The following AOAH variants were observed in gnomAD, a reference collection of about 807,000 sequenced individuals.
The protein encoded by AOAH is acyloxyacyl hydrolase (neutrophil).
Under a neutral mutation model 92.2 loss-of-function variants are expected in AOAH, and 64 were observed. The observed-to-expected ratio is 0.69, with a 90% CI of 0.57 to 0.86. The LOEUF (loss-of-function observed/expected upper bound fraction) is 0.86, where lower values mean the gene tolerates loss of function less well. AOAH is among the 40% of genes least tolerant of loss of function. The pLI is 0.00. For synonymous variants in AOAH, 263 were observed against 254.5 expected (o/e 1.03, Z -0.32); for missense variants, 656 against 694.6 (o/e 0.94, Z 0.62).
chr7:36,623,139 A>G, intron 7 of AOAH, 51 bp downstream of exon 7: 1 of 1,444,932 alleles, frequency 6.9e-7, no homozygotes, highest in Non-Finnish European at 9.7e-7. Context: ...AGAAATGTGT[A>G]GGAAGCAATG....
chr7:36,551,039 C>T (rs1180704790), intron 13 of AOAH, among the ~76,000 whole-genome samples: 1 of 151,090 alleles, frequency 6.6e-6, no homozygotes, highest in African/African-American at 2.4e-5. Flanking sequence ...TGCTTTATTT[C>T]CATTTTATTA....
intron 12 of AOAH, among the ~76,000 whole-genome samples, chr7:36,582,103 G>A (rs576209101): frequency 3.9e-5 from 6 of 152,142 alleles, no homozygotes; most frequent in Admixed American, 3.3e-4. Context: ...GCATAATGAG[G>A]CTAAACTATC....
chr7:36,605,933 G>A (rs1174537979), intron 11 of AOAH, among the ~76,000 whole-genome samples: 2 of 152,226 alleles, frequency 1.3e-5, no homozygotes, highest in Non-Finnish European at 2.9e-5. Flanking sequence ...TCAGTGAGAA[G>A]TAACTAGGAT....
chr7:36,654,579 C>T (rs17403213), intron 4 of AOAH, among the ~76,000 whole-genome samples: 22,163 of 152,128 alleles, frequency 0.15, 1,919 homozygotes, highest in Non-Finnish European at 0.2. Context: ...CTTGCTTCTG[C>T]GCTATGAGCT....
intron 15 of AOAH, among the ~76,000 whole-genome samples, chr7:36,544,924 C>G (rs1785702772): frequency 6.6e-6 from 1 of 152,228 alleles, no homozygotes; most frequent in South Asian, 2.1e-4. Flanking sequence ...ATCAAGTGCT[C>G]ACACCTCACT....
intron 11 of AOAH, among the ~76,000 whole-genome samples, chr7:36,613,976 G>T (rs753576622): frequency 2.0e-5 from 3 of 152,208 alleles, no homozygotes; most frequent in Non-Finnish European, 4.4e-5. Context: ...CTTGGGAGAG[G>T]TTCAACCAGA....
At chr7:36,571,006 GA>G (rs148295907) in intron 13 of AOAH, among the ~76,000 whole-genome samples, 3,014 of 152,294 alleles carry the variant, frequency 0.02, 76 homozygotes, top group Non-Finnish European at 0.031. Context: ...ATACACCAAG[GA>G]AAGTGCAATA....
chr7:36,536,584 A>AGT (rs918314196), intron 16 of AOAH, among the ~76,000 whole-genome samples: 3 of 152,148 alleles, frequency 2.0e-5, no homozygotes, highest in African/African-American at 7.2e-5. Flanking sequence ...CAGAAGAGAG[A>AGT]CAGCATGAGA....
chr7:36,658,387 AATTT>A (rs966204232), intron 4 of AOAH, among the ~76,000 whole-genome samples: 2 of 152,290 alleles, frequency 1.3e-5, no homozygotes, highest in Admixed American at 6.5e-5. Context: ...GAAGGCAAAG[AATTT>A]TTTTTCACGG....
intron 13 of AOAH, among the ~76,000 whole-genome samples, chr7:36,558,733 T>C (rs967057961): frequency 1.3e-5 from 2 of 152,256 alleles, no homozygotes; most frequent in Admixed American, 6.5e-5. Flanking sequence ...CTCAGACTGC[T>C]GTGCTAGCAA....
At chr7:36,676,396 C>T (rs1796262195) in intron 2 of AOAH, among the ~76,000 whole-genome samples, 1 of 152,070 alleles carries the variant, frequency 6.6e-6, no homozygotes, top group Non-Finnish European at 1.5e-5. Context: ...TAGGAACAAA[C>T]TTAACCAAAA....
intron 15 of AOAH, among the ~76,000 whole-genome samples, chr7:36,547,751 C>T (rs936565618): frequency 3.3e-5 from 5 of 152,148 alleles, no homozygotes; most frequent in African/African-American, 1.2e-4. Flanking sequence ...TTTTGAGAAA[C>T]CTCCCCAAAT....
chr7:36,549,602 A>G (rs1296446931), intron 13 of AOAH, 127 bp from the exon 14 acceptor site: 1 of 635,752 alleles, frequency 1.6e-6, no homozygotes, highest in Non-Finnish European at 2.8e-6. Flanking sequence ...GTTCTGACCA[A>G]CACATTGATG....
At chr7:36,550,830 A>C (rs56950249) in intron 13 of AOAH, among the ~76,000 whole-genome samples, 20,213 of 152,004 alleles carry the variant, frequency 0.13, 1,431 homozygotes, top group African/African-American at 0.16. Context: ...TTTACCGGAG[A>C]CCCAGGTATG....
chr7:36,658,544 CACAGGG>C (rs1294749749), intron 4 of AOAH, among the ~76,000 whole-genome samples: 1 of 152,188 alleles, frequency 6.6e-6, no homozygotes, highest in African/African-American at 2.4e-5. Context: ...ATATAATGCA[CACAGGG>C]TCCTCTGAAC....
intron 11 of AOAH, 97 bp from the exon 12 acceptor site, chr7:36,594,527 T>C: frequency 1.0e-6 from 1 of 991,362 alleles, no homozygotes; most frequent in South Asian, 1.4e-5. Context: ...TCTGTGTGTC[T>C]GTTTCCCACT....
intron 6 of AOAH, among the ~76,000 whole-genome samples, chr7:36,630,125 CAGAAGGGATCCAACTAGAATCTT>C: frequency 6.6e-6 from 1 of 152,342 alleles, no homozygotes; most frequent in African/African-American, 2.4e-5. Context: ...TAGGGAGAGA[CAGAAGGGATCCAACTAGAATCTT>C]AGAAGGAGCG....
Position 36,654,062 on chromosome 7 carries a change from G to A in AOAH, c.390+5104C>T, listed in dbSNP as rs868852466. On this transcript the variant is annotated intron_variant, in intron 4 of 20. Transcript: ENST00000617537. Reference sequence around the variant, plus strand: ...TGTTAGAATCATGGTTTTGGACATGGTGGGAGGGTTGGGGAGGGCTCAAGG... The same window carrying A: ...TGTTAGAATCATGGTTTTGGACATGATGGGAGGGTTGGGGAGGGCTCAAGG... Among the ~76,000 whole-genome samples, 7 of 152,292 alleles carry A rather than the reference G, an allele frequency of 4.6e-5. No homozygotes were observed. In the South Asian group the frequency reaches 1.4e-3, roughly 32 times the overall value.
intron 3 of AOAH, among the ~76,000 whole-genome samples, chr7:36,660,025 A>G (rs1795118200): frequency 6.6e-6 from 1 of 152,204 alleles, no homozygotes. Flanking sequence ...CTTCTGGACA[A>G]TAAGTCTTAT....
Sources: allele counts gnomAD v4.1 joint callset (sites outside exome capture counted in the v4.1 genomes callset), GRCh38; gene constraint gnomAD v4.1.1; transcripts MANE v1.5; gene names NCBI Gene and HGNC (gene_info 2026-07-23, HGNC 2026-07-21).